NRCAM: variants seen among roughly 807,000 people sequenced by gnomAD.
NRCAM encodes NgCAM-related cell adhesion molecule.
A neutral mutation model predicts 156.5 loss-of-function variants in NRCAM; 83 were observed. The observed-to-expected ratio is 0.53, with a 90% CI of 0.44 to 0.64. The LOEUF is 0.64. Ranked by LOEUF, NRCAM falls within the 30% of genes least tolerant of loss-of-function variation. The pLI is 0.00. For synonymous variants in NRCAM, 538 were observed against 563.9 expected, an observed-to-expected ratio of 0.95 and a Z score of 0.65; for missense variants, 1,417 against 1,597.3, an observed-to-expected ratio of 0.89 and a Z score of 1.92.
rs1451007198 is a variant in NRCAM at position 108,253,104 on chromosome 7, T to C, written c.-106-12934A>G. On this transcript the variant is annotated intron_variant, in intron 3 of 32. Coordinates refer to ENST00000379028, the MANE Select transcript of NRCAM (RefSeq NM_001037132.4). The stretch of plus-strand genomic sequence containing the variant: ...AGCGTCTAAGGCACTTAGAGTTCTT[T>C]GTAGGAATGGCTTCAAACATTTTAT... Among the ~76,000 whole-genome samples the C allele has an allele frequency of 2.0e-5, 3 of 152,372 alleles. No individual in the cohort carries two copies. In the South Asian group the frequency reaches 6.2e-4, roughly 32 times the overall value.
At chr7:108,150,196 T>C in intron 32 of NRCAM, 49 bp from the exon 33 acceptor site, 1 of 1,487,064 alleles carries the variant, frequency 6.7e-7, no homozygotes, top group Non-Finnish European at 9.1e-7. Context: ...TTAGGTAACA[T>C]TTTCTGTTTT....
chr7:108,361,425 C>T (rs1184604325), intron 2 of NRCAM, among the ~76,000 whole-genome samples: 1 of 152,156 alleles, frequency 6.6e-6, no homozygotes, highest in African/African-American at 2.4e-5. Context: ...AAGCCGATCG[C>T]CCTCCCTAAT....
intron 2 of NRCAM, among the ~76,000 whole-genome samples, chr7:108,358,978 G>A (rs527996871): frequency 3.4e-4 from 52 of 152,326 alleles, no homozygotes; most frequent in African/African-American, 1.2e-3. Context: ...ATGTCTATAA[G>A]CTCAGGACCT....
intron 2 of NRCAM, among the ~76,000 whole-genome samples, chr7:108,317,029 C>T (rs536378634): frequency 1.3e-5 from 2 of 152,324 alleles, no homozygotes; most frequent in East Asian, 3.9e-4. Flanking sequence ...TCCACGCCTC[C>T]TATCTCTCCA....
At chr7:108,407,381 T>A (rs1057477546) in intron 1 of NRCAM, among the ~76,000 whole-genome samples, 1 of 152,222 alleles carries the variant, frequency 6.6e-6, no homozygotes, top group Non-Finnish European at 1.5e-5. Flanking sequence ...AAAGGTGCGC[T>A]ATTTTACTAG....
In NRCAM at chr7:108,189,723, A is replaced by G; in HGVS notation, c.1957T>C (p.Leu653=). The G allele has an allele frequency of 6.6e-7, 1 of 1,518,344 alleles. No homozygotes were observed. The highest frequency in any genetic ancestry group is 9.1e-7 in the Non-Finnish European group (1 of 1,095,324). The allele number at this position is 1,518,344 out of a possible 1,614,324, so 94.1% of individuals were successfully genotyped here. ...VYDVPNPPFD[L]ELTDQLDKSV... ...TTGTCAAGTTGATCTGTCAGTTCTA[A>G]GTCAAAGGGAGGATTTGGGACATCT... Residue 653 remains leucine, a synonymous_variant, in exon 20 of 33, where the codon TTA becomes CTA. Coordinates refer to ENST00000379028, the MANE Select transcript of NRCAM (RefSeq NM_001037132.4).
At chr7:108,414,766 T>C (rs912912446) in intron 1 of NRCAM, among the ~76,000 whole-genome samples, 41 of 151,904 alleles carry the variant, frequency 2.7e-4, no homozygotes, top group African/African-American at 8.9e-4. Flanking sequence ...GAAGAGGGGC[T>C]TAAAAAAACG....
intron 2 of NRCAM, among the ~76,000 whole-genome samples, chr7:108,342,879 C>T (rs573340947): frequency 5.9e-5 from 9 of 152,360 alleles, no homozygotes; most frequent in African/African-American, 1.7e-4. Context: ...GGCTGTCAGA[C>T]AACCGTTTAC....
chr7:108,305,895 A>C (rs2098707824), intron 3 of NRCAM, among the ~76,000 whole-genome samples: 3 of 152,216 alleles, frequency 2.0e-5, no homozygotes, highest in Non-Finnish European at 4.4e-5. Context: ...TATAGCTTCC[A>C]AATCTAACAT....
At chr7:108,222,607 G>T (rs545528083) in intron 11 of NRCAM, among the ~76,000 whole-genome samples, 1 of 152,084 alleles carries the variant, frequency 6.6e-6, no homozygotes, top group South Asian at 2.1e-4. Context: ...TTAAAAGGGG[G>T]TTTTGCTAGT....
intron 32 of NRCAM, among the ~76,000 whole-genome samples, chr7:108,151,727 C>CTGTT (rs1261325527): frequency 6.6e-6 from 1 of 152,118 alleles, no homozygotes; most frequent in Non-Finnish European, 1.5e-5. Flanking sequence ...AGTGTCTAAC[C>CTGTT]TGTTATGAAA....
intron 3 of NRCAM, among the ~76,000 whole-genome samples, chr7:108,261,685 T>C (rs1440555912): frequency 1.3e-5 from 2 of 152,192 alleles, no homozygotes; most frequent in African/African-American, 4.8e-5. Flanking sequence ...GCCACAGCTG[T>C]AGACACCTGT....
At chr7:108,347,423 G>C (rs952706603) in intron 2 of NRCAM, among the ~76,000 whole-genome samples, 2 of 152,130 alleles carry the variant, frequency 1.3e-5, no homozygotes, top group African/African-American at 4.8e-5. Context: ...CAGGGGCCAG[G>C]TGAGCAGTAA....
At chr7:108,341,188 CCT>C (rs1348337177) in intron 2 of NRCAM, among the ~76,000 whole-genome samples, 1 of 152,228 alleles carries the variant, frequency 6.6e-6, no homozygotes, top group Non-Finnish European at 1.5e-5. Flanking sequence ...GGACAAAGGT[CCT>C]CTGAGTCAGA....
At chr7:108,173,519 A>AT (rs2059327795) in intron 28 of NRCAM, among the ~76,000 whole-genome samples, 1 of 152,168 alleles carries the variant, frequency 6.6e-6, no homozygotes, top group African/African-American at 2.4e-5. Context: ...AAAAAGAAGT[A>AT]TTTTTAAGGA....
intron 28 of NRCAM, among the ~76,000 whole-genome samples, chr7:108,169,270 G>A (rs944716180): frequency 1.3e-5 from 2 of 152,096 alleles, no homozygotes; most frequent in African/African-American, 2.4e-5. Flanking sequence ...AATGTTATTT[G>A]AATACCTGAG....
chr7:108,294,412 C>T (rs2098411664), intron 3 of NRCAM, among the ~76,000 whole-genome samples: 1 of 151,952 alleles, frequency 6.6e-6, no homozygotes, highest in African/African-American at 2.4e-5. Context: ...TCCAGCTTTT[C>T]CAGTATATTT....
Position 108,232,381 on chromosome 7 carries a change from T to G in NRCAM, c.372A>C (p.Thr124=), listed in dbSNP as rs1219803609. ...AETYEGVYQC[T]ARNERGAAVS... is the part of the protein sequence containing the mutation. ...CTGCAGCTCCGCGTTCGTTCCTTGCTGTACACTGATAGACTCCTTCATAGG... is the reference window on the plus strand; with the variant it reads ...CTGCAGCTCCGCGTTCGTTCCTTGCGGTACACTGATAGACTCCTTCATAGG... Residue 124 remains threonine (T), a synonymous_variant, in exon 7 of 33, where the codon ACA becomes ACC. Coordinates refer to ENST00000379028, the MANE Select transcript of NRCAM (RefSeq NM_001037132.4). 1 of 1,613,254 alleles carries G rather than the reference T, an allele frequency of 6.2e-7. No individual in the cohort carries two copies. The highest frequency in any genetic ancestry group is 1.1e-5 in the South Asian group (1 of 90,922).
At chr7:108,373,461 G>A (rs1453206090) in intron 2 of NRCAM, among the ~76,000 whole-genome samples, 1 of 152,096 alleles carries the variant, frequency 6.6e-6, no homozygotes, top group African/African-American at 2.4e-5. Flanking sequence ...CTGTTCAGAG[G>A]GTATGGGGAG....
Sources: gnomAD v4.1 joint callset for allele counts (sites outside exome capture counted in the v4.1 genomes callset) on GRCh38, gnomAD v4.1.1 for gene constraint, MANE v1.5 for transcripts, NCBI Gene and HGNC (gene_info 2026-07-23, HGNC 2026-07-21) for gene names.